Variants in NRXN3 observed in about 807,000 individuals in gnomAD.
The protein encoded by NRXN3 is neurexin 3, also known as neurexin III.
Under a neutral mutation model 137.6 loss-of-function variants are expected in NRXN3, and 32 were observed. That is an observed-to-expected ratio of 0.23 (90% CI 0.18 to 0.31). The LOEUF is 0.31. NRXN3 is among the 10% of genes least tolerant of loss of function. The pLI, the probability that NRXN3 is intolerant of heterozygous loss-of-function variation, is 1.00. For synonymous variants in NRXN3, 798 were observed against 784.5 expected, an observed-to-expected ratio of 1.02 and a Z score of -0.29; for missense variants, 1,574 against 2,062.5, an observed-to-expected ratio of 0.76 and a Z score of 4.59.
chr14:78,607,098 GC>G (rs2097259611), intron 4 of NRXN3, among the ~76,000 whole-genome samples: 1 of 152,112 alleles, frequency 6.6e-6, no homozygotes, highest in African/African-American at 2.4e-5. Context: ...TTTGTAAGCA[GC>G]CTTTGATAAG....
chr14:78,686,953 G>A lies in NRXN3; in HGVS notation c.1222-22264G>A, dbSNP rs184409074. 6.6e-4 allele frequency among the ~76,000 whole-genome samples: 100 copies of A among 152,200 alleles called. 1 individual carries two copies. Among genetic ancestry groups the A allele is most frequent in the African/African-American group, 2.3e-3 (96 of 41,528 alleles). ...TGCATTCTAGTAAGTGGGGCAAAAAGCAAGCAAAGAAATCTAAGTTATATA... is the reference window on the plus strand; with the variant it reads ...TGCATTCTAGTAAGTGGGGCAAAAAACAAGCAAAGAAATCTAAGTTATATA... On this transcript the variant is annotated intron_variant, in intron 6 of 20. Coordinates refer to ENST00000335750, the MANE Select transcript of NRXN3 (RefSeq NM_001330195.2).
chr14:78,362,548 T>A (rs943195473), intron 4 of NRXN3, among the ~76,000 whole-genome samples: 1 of 152,196 alleles, frequency 6.6e-6, no homozygotes, highest in Non-Finnish European at 1.5e-5. Flanking sequence ...TTAACAGGGA[T>A]GTTTTTCATA....
chr14:79,357,212 C>T (rs1321005049), intron 15 of NRXN3, among the ~76,000 whole-genome samples: 1 of 152,076 alleles, frequency 6.6e-6, no homozygotes, highest in Admixed American at 6.6e-5. Flanking sequence ...AACAGAAAAC[C>T]ATGTGATCTA....
At chr14:78,220,838 G>C (rs1190382887) in intron 1 of NRXN3, among the ~76,000 whole-genome samples, 2 of 152,046 alleles carry the variant, frequency 1.3e-5, no homozygotes, top group East Asian at 1.9e-4. Flanking sequence ...AGCCAGAGGG[G>C]AGAGAAGCAC....
intron 15 of NRXN3, among the ~76,000 whole-genome samples, chr14:79,336,330 A>G (rs2092258025): frequency 6.6e-6 from 1 of 152,150 alleles, no homozygotes; most frequent in Non-Finnish European, 1.5e-5. Flanking sequence ...TGACAATCCT[A>G]CACCTCTGTG....
At chr14:79,171,433 T>C (rs2061771599) in intron 15 of NRXN3, among the ~76,000 whole-genome samples, 3 of 152,144 alleles carry the variant, frequency 2.0e-5, no homozygotes, top group Non-Finnish European at 4.4e-5. Context: ...TCCCCACCTG[T>C]CATGGAGTTT....
Position 78,803,655 on chromosome 14 carries a change from A to G in NRXN3, c.2080A>G (p.Met694Val). The G allele has an allele frequency of 6.2e-7, 1 of 1,614,164 alleles. No homozygotes were observed. The highest frequency in any genetic ancestry group is 8.5e-7 in the Non-Finnish European group (1 of 1,180,004). ...SILSYDGSMY[M>V]KIIMPMVMHT... The stretch of plus-strand genomic sequence containing the variant: ...CCTGAGCTATGATGGTAGCATGTAC[A>G]TGAAGATCATCATGCCCATGGTCAT... The change falls in exon 9 of 21, where the codon ATG (methionine) becomes GTG (valine). Residue 694 changes from methionine to valine, a missense_variant. Transcript: ENST00000335750.
chr14:78,304,965 C>T (rs976573816), intron 4 of NRXN3, among the ~76,000 whole-genome samples: 7 of 152,212 alleles, frequency 4.6e-5, no homozygotes, highest in Non-Finnish European at 1.0e-4. Flanking sequence ...CACACACCTG[C>T]GTGCCAGATG....
intron 1 of NRXN3, among the ~76,000 whole-genome samples, chr14:78,193,537 G>A (rs1366759141): frequency 6.6e-6 from 1 of 152,080 alleles, no homozygotes; most frequent in African/African-American, 2.4e-5. Flanking sequence ...ATGGACTGAA[G>A]AGGCCAAAGT....
chr14:78,858,660 G>C (rs2099064005), intron 10 of NRXN3, among the ~76,000 whole-genome samples: 1 of 152,090 alleles, frequency 6.6e-6, no homozygotes, highest in Non-Finnish European at 1.5e-5. Context: ...TTTGATCTTT[G>C]TACTTCAGAT....
rs140277036 is a variant in NRXN3 at position 78,692,218 on chromosome 14, C to T, written c.1222-16999C>T. ...AGATTGAGGAGTCAGAGGTAAAGGT[C>T]GGTAGGTTTTTCTGTGGTCTTGACT... is the stretch of plus-strand genomic sequence containing the variant. On this transcript the variant is annotated intron_variant, in intron 6 of 20. Coordinates refer to ENST00000335750, the MANE Select transcript of NRXN3 (RefSeq NM_001330195.2). 1.1e-3 allele frequency among the ~76,000 whole-genome samples: 169 copies of T among 152,192 alleles called. 2 individuals carry two copies. The highest frequency in any genetic ancestry group is 3.8e-3 in the African/African-American group (158 of 41,538).
chr14:78,715,219 C>T lies in NRXN3; in HGVS notation c.2044+80C>T, dbSNP rs1174985238. On this transcript the variant is annotated intron_variant, in intron 8 of 20. Coordinates refer to ENST00000335750, the MANE Select transcript of NRXN3 (RefSeq NM_001330195.2). ...AGTTGGATCCCTGGGCAGCCCAAGC[C>T]TTCGCACCTACCTGCACTTTCTTTC... 2.0e-6 allele frequency: 3 copies of T among 1,515,010 alleles called. No individual in the cohort carries two copies. The African/African-American group carries it at 4.1e-5, about 21-fold the overall frequency. 93.8% of individuals were successfully genotyped at this position (1,515,010 alleles called of 1,614,324 possible). A position where few individuals can be genotyped will look rare whatever the true frequency, so the allele number is the denominator to read the frequency against.
chr14:79,201,048 C>CT (rs2153215358), intron 15 of NRXN3: 1 of 152,148 alleles, frequency 6.6e-6, no homozygotes. Flanking sequence ...ATGGCACAGA[C>CT]TGAGTCAAAT....
At position 79,697,944 on chromosome 14, in the gene NRXN3, CT is replaced by C; in HGVS notation, c.4014+12del. On this transcript the variant is annotated splice_region_variant and intron_variant, in intron 19 of 20. Coordinates refer to ENST00000335750, the MANE Select transcript of NRXN3 (RefSeq NM_001330195.2). ...CTCTACAGCCAGCATTCAGGTAGGC[CT>C]TTTTCCAAGTATTAATTGCGTCTGT... The C allele has an allele frequency of 2.5e-6, 4 of 1,605,232 alleles. No individual in the cohort carries two copies. Among genetic ancestry groups the C allele is most frequent in the Non-Finnish European group, 2.6e-6 (3 of 1,173,234 alleles).
intron 15 of NRXN3, among the ~76,000 whole-genome samples, chr14:79,336,438 C>T (rs1199883372): frequency 6.6e-6 from 1 of 152,152 alleles, no homozygotes; most frequent in Non-Finnish European, 1.5e-5. Context: ...TTGGTGTCCA[C>T]AGTTGGAGCT....
intron 16 of NRXN3, among the ~76,000 whole-genome samples, chr14:79,663,477 CTTTGCA>C (rs977917371): frequency 1.6e-4 from 25 of 152,206 alleles, no homozygotes; most frequent in African/African-American, 5.8e-4. Context: ...CAGAAATAAA[CTTTGCA>C]TTGTCATTGC....
At chr14:78,880,498 G>A (rs2099126070) in intron 10 of NRXN3, among the ~76,000 whole-genome samples, 1 of 151,992 alleles carries the variant, frequency 6.6e-6, no homozygotes, top group Non-Finnish European at 1.5e-5. Flanking sequence ...GGCCTGGCAG[G>A]GAGGAGACCA....
intron 14 of NRXN3, among the ~76,000 whole-genome samples, chr14:78,973,106 GGA>G (rs1490551847): frequency 1.3e-5 from 2 of 152,162 alleles, no homozygotes; most frequent in Non-Finnish European, 2.9e-5. Context: ...GCTATCAAGA[GGA>G]GACCTCATGG....
intron 4 of NRXN3, among the ~76,000 whole-genome samples, chr14:78,633,917 AGCCCACAGT>A (rs1437419488): frequency 6.6e-6 from 1 of 152,230 alleles, no homozygotes; most frequent in Non-Finnish European, 1.5e-5. Flanking sequence ...TGCAGGCTAG[AGCCCACAGT>A]GCTAACAAAG....
Sources: gnomAD v4.1 joint callset for allele counts (sites outside exome capture counted in the v4.1 genomes callset) on GRCh38, gnomAD v4.1.1 for gene constraint, MANE v1.5 for transcripts, NCBI Gene and HGNC (gene_info 2026-07-23, HGNC 2026-07-21) for gene names.